The following NRIP1 variants were observed in gnomAD, a reference collection of about 807,000 sequenced individuals.
NRIP1 encodes the protein nuclear receptor interacting protein 1.
A neutral mutation model predicts 75.0 loss-of-function variants in NRIP1; 28 were observed. The ratio of observed to expected loss-of-function variants is 0.37; its 90% confidence interval spans 0.28 to 0.51. NRIP1 has a LOEUF of 0.51. NRIP1 is among the 20% of genes least tolerant of loss of function. The pLI is 0.92. For missense variants in NRIP1, 1,435 were observed against 1,343.7 expected (o/e 1.07, Z -1.06); for synonymous variants, 526 against 487.6 (o/e 1.08, Z -1.04).
At chr21:15,022,743 G>T (rs1341435784) in intron 2 of NRIP1, among the ~76,000 whole-genome samples, 4 of 152,134 alleles carry the variant, frequency 2.6e-5, no homozygotes, top group Non-Finnish European at 5.9e-5. Context: ...CCACTAAGGG[G>T]AACAGACAGT....
intron 1 of NRIP1, among the ~76,000 whole-genome samples, chr21:15,056,084 CACTA>C (rs1179802108): frequency 1.3e-5 from 2 of 152,058 alleles, no homozygotes; most frequent in African/African-American, 2.4e-5. Flanking sequence ...TTATAGTCTA[CACTA>C]ACTGTGTGCT....
chr21:15,015,667 A>C (rs1017908220), intron 2 of NRIP1, among the ~76,000 whole-genome samples: 8 of 152,136 alleles, frequency 5.3e-5, no homozygotes, highest in Non-Finnish European at 1.0e-4. Flanking sequence ...AATATTATAC[A>C]AGAAAATTAA....
chr21:15,032,116 A>T (rs1184078012), intron 2 of NRIP1, among the ~76,000 whole-genome samples: 1 of 152,250 alleles, frequency 6.6e-6, no homozygotes, highest in Non-Finnish European at 1.5e-5. Context: ...GGAGGAAGGA[A>T]GTAGGTCAGT....
intron 2 of NRIP1, among the ~76,000 whole-genome samples, chr21:15,017,519 C>G (rs1342591944): frequency 6.6e-6 from 1 of 152,078 alleles, no homozygotes; most frequent in African/African-American, 2.4e-5. Context: ...TAACAATAAG[C>G]CTTTTACAGA....
At chr21:15,062,335 T>G (rs539942538) in intron 1 of NRIP1, among the ~76,000 whole-genome samples, 1 of 152,252 alleles carries the variant, frequency 6.6e-6, no homozygotes, top group Non-Finnish European at 1.5e-5. Flanking sequence ...TCTTAACTTC[T>G]GAATTTCCAG....
intron 3 of NRIP1, among the ~76,000 whole-genome samples, chr21:14,996,496 T>C (rs1291874394): frequency 6.6e-6 from 1 of 152,066 alleles, no homozygotes; most frequent in Non-Finnish European, 1.5e-5. Flanking sequence ...AGATACGTCT[T>C]TCCCAATGAC....
At chr21:14,982,143 C>G (rs1230510466) in intron 3 of NRIP1, among the ~76,000 whole-genome samples, 1 of 152,186 alleles carries the variant, frequency 6.6e-6, no homozygotes, top group Non-Finnish European at 1.5e-5. Flanking sequence ...AGCCACGATG[C>G]TCGGTCCTAG....
At chr21:15,025,201 G>A (rs1489967754) in intron 2 of NRIP1, among the ~76,000 whole-genome samples, 1 of 152,084 alleles carries the variant, frequency 6.6e-6, no homozygotes, top group Admixed American at 6.5e-5. Context: ...GTGAGGGACA[G>A]GAGAAATGGC....
In NRIP1 at chr21:14,962,863, C is replaced by A. The variant is rs751857740; in HGVS notation, c.*1853G>T. ...ATTTTTAATATAAAAATCTTAGAAA[C>A]CACTTCAAGTAGAACAATTTTAAAT... On this transcript the variant is annotated 3_prime_UTR_variant, in exon 4 of 4. Transcript: ENST00000318948. The A allele has an allele frequency of 2.0e-5, 3 of 152,310 alleles. No homozygotes were observed. Among genetic ancestry groups the A allele is most frequent in the Non-Finnish European group, 2.9e-5 (2 of 67,902 alleles). 9.4% of individuals were successfully genotyped at this position (152,310 alleles called of 1,614,324 possible).
In NRIP1 at chr21:14,965,076, T is replaced by C. The variant is rs2086691052; in HGVS notation, c.3117A>G (p.Lys1039=). The change falls in exon 4 of 4, where the codon AAA becomes AAG. Residue 1039 remains lysine, a synonymous_variant. Transcript: ENST00000318948. The part of the protein sequence containing the change: ...LLNGCSMPSE[K]GPIKWVITDA... The stretch of plus-strand genomic sequence containing the variant: ...CAGTGATAACCCACTTAATGGGTCC[T>C]TTCTCACTGGGCATGGAACACCCAT... The C allele has an allele frequency of 6.2e-6, 10 of 1,613,808 alleles. No individual in the cohort carries two copies. Among genetic ancestry groups the C allele is most frequent in the Non-Finnish European group, 8.5e-6 (10 of 1,179,914 alleles).
intron 3 of NRIP1, among the ~76,000 whole-genome samples, chr21:14,996,727 T>A (rs1373530193): frequency 6.6e-6 from 1 of 152,112 alleles, no homozygotes; most frequent in Non-Finnish European, 1.5e-5. Context: ...GATACCGAAT[T>A]TTTGCTAAAT....
At chr21:14,989,044 G>A (rs946375501) in intron 3 of NRIP1, among the ~76,000 whole-genome samples, 8 of 152,124 alleles carry the variant, frequency 5.3e-5, no homozygotes, top group African/African-American at 1.7e-4. Flanking sequence ...TGAAGAGTTC[G>A]CTGCATGCCT....
chr21:15,033,050 C>A (rs1341260603), intron 2 of NRIP1, among the ~76,000 whole-genome samples: 1 of 151,780 alleles, frequency 6.6e-6, no homozygotes, highest in Non-Finnish European at 1.5e-5. Context: ...ATGGTGAAAC[C>A]CTGTTTCTAC....
intron 3 of NRIP1, among the ~76,000 whole-genome samples, chr21:15,000,667 T>A (rs1005544780): frequency 1.1e-4 from 16 of 152,158 alleles, no homozygotes; most frequent in Admixed American, 2.6e-4. Flanking sequence ...TTAAAGAACA[T>A]GTTTAATTCT....
At chr21:14,977,051 G>A (rs946003672) in intron 3 of NRIP1, among the ~76,000 whole-genome samples, 1 of 152,080 alleles carries the variant, frequency 6.6e-6, no homozygotes, top group Non-Finnish European at 1.5e-5. Context: ...GCTTTGCCTG[G>A]TTCCTCAAAA....
At chr21:14,978,161 A>G (rs998082183) in intron 3 of NRIP1, among the ~76,000 whole-genome samples, 3 of 152,232 alleles carry the variant, frequency 2.0e-5, no homozygotes, top group African/African-American at 4.8e-5. Context: ...CTCATTAGAG[A>G]CACTCCTGCG....
intron 1 of NRIP1, among the ~76,000 whole-genome samples, chr21:15,049,291 T>G (rs1410330001): frequency 6.6e-6 from 1 of 152,108 alleles, no homozygotes; most frequent in African/African-American, 2.4e-5. Context: ...CTAATTTGCT[T>G]AGAGAAGCAT....
chr21:14,965,169 A>C lies in NRIP1; in HGVS notation c.3024T>G (p.Thr1008=). Residue 1008 remains threonine, a synonymous_variant, in exon 4 of 4, where the codon ACT becomes ACG. Coordinates refer to ENST00000318948, the MANE Select transcript of NRIP1 (RefSeq NM_003489.4). ...GCTCAGGGAAAGTAGGACTCACAGG[A>C]GTTTTTACTACACCTGGGTATGAAA... is the stretch of plus-strand genomic sequence containing the variant. ...RTFSYPGVVK[T]PVSPTFPEHL... 6.2e-7 allele frequency: 1 copy of C among 1,613,296 alleles called. No homozygotes were observed. The highest frequency in any genetic ancestry group is 8.5e-7 in the Non-Finnish European group (1 of 1,179,908).
At chr21:15,008,990 A>G (rs2088040053) in intron 3 of NRIP1, among the ~76,000 whole-genome samples, 1 of 152,234 alleles carries the variant, frequency 6.6e-6, no homozygotes, top group African/African-American at 2.4e-5. Context: ...AATCTCATAA[A>G]TAAAAGCTCT....
Sources: gnomAD v4.1 joint callset for allele counts (sites outside exome capture counted in the v4.1 genomes callset) on GRCh38, gnomAD v4.1.1 for gene constraint, MANE v1.5 for transcripts, NCBI Gene and HGNC (gene_info 2026-07-23, HGNC 2026-07-21) for gene names.